The following LEKR1 variants were observed in gnomAD, a reference collection of about 807,000 sequenced individuals.
LEKR1 encodes the protein leucine, glutamate and lysine rich 1.
In LEKR1, 59 loss-of-function variants were observed where a neutral mutation model predicts 72.4. That is an observed-to-expected ratio of 0.82 (90% CI 0.66 to 1.01). The LOEUF is 1.01. LEKR1 is among the 50% of genes least tolerant of loss of function. The pLI, the probability that LEKR1 is intolerant of heterozygous loss-of-function variation, is 0.00. For missense variants in LEKR1, 728 were observed against 759.2 expected (o/e 0.96, Z 0.48); for synonymous variants, 257 against 263.2 (o/e 0.98, Z 0.23).
intron 6 of LEKR1, among the ~76,000 whole-genome samples, chr3:156,946,813 T>C (rs1166275670): frequency 1.3e-5 from 2 of 151,288 alleles, no homozygotes; most frequent in African/African-American, 4.8e-5. Context: ...ATTTCTTCAT[T>C]GGTCAGTCTT....
chr3:156,862,985 A>G (rs1350167639), intron 3 of LEKR1, among the ~76,000 whole-genome samples: 1 of 152,120 alleles, frequency 6.6e-6, no homozygotes, highest in Non-Finnish European at 1.5e-5. Flanking sequence ...ACGTTGGACA[A>G]AAAACAAGAA....
At chr3:156,837,653 A>G (rs1713330231) in intron 2 of LEKR1, among the ~76,000 whole-genome samples, 1 of 152,218 alleles carries the variant, frequency 6.6e-6, no homozygotes, top group South Asian at 2.1e-4. Context: ...GGAGTGAAAC[A>G]ATGTGAATAT....
chr3:156,835,591 G>A (rs932418891), intron 2 of LEKR1, among the ~76,000 whole-genome samples: 1 of 152,190 alleles, frequency 6.6e-6, no homozygotes, highest in Non-Finnish European at 1.5e-5. Flanking sequence ...TCTGTAATCA[G>A]TCCATTCCCC....
intron 3 of LEKR1, among the ~76,000 whole-genome samples, chr3:156,858,398 C>T (rs1048179445): frequency 1.4e-4 from 21 of 152,036 alleles, no homozygotes; most frequent in African/African-American, 4.6e-4. Flanking sequence ...TCAGGCCAGG[C>T]GCGGTGGCTC....
chr3:156,984,332 T>C (rs1181059230), intron 7 of LEKR1, among the ~76,000 whole-genome samples: 1 of 152,234 alleles, frequency 6.6e-6, no homozygotes, highest in African/African-American at 2.4e-5. Context: ...CAAAATTTAC[T>C]TAAAATGATT....
intron 3 of LEKR1, among the ~76,000 whole-genome samples, chr3:156,872,541 G>A (rs533783236): frequency 1.3e-5 from 2 of 151,758 alleles, no homozygotes; most frequent in Non-Finnish European, 2.9e-5. Flanking sequence ...CTAGATTATC[G>A]ATTTGAAATC....
intron 9 of LEKR1, among the ~76,000 whole-genome samples, chr3:157,009,156 C>T (rs973347189): frequency 9.2e-5 from 14 of 151,760 alleles, no homozygotes; most frequent in Non-Finnish European, 1.3e-4. Context: ...TATACTTCTA[C>T]GTATGTAATT....
chr3:156,959,093 C>G (rs1472725804), intron 6 of LEKR1, among the ~76,000 whole-genome samples: 1 of 152,106 alleles, frequency 6.6e-6, no homozygotes, highest in Non-Finnish European at 1.5e-5. Flanking sequence ...AAAGTCTTCT[C>G]AGATATCATG....
intron 6 of LEKR1, among the ~76,000 whole-genome samples, chr3:156,965,460 C>T (rs192140698): frequency 2.0e-5 from 3 of 152,188 alleles, no homozygotes; most frequent in Non-Finnish European, 4.4e-5. Context: ...TTCTGATTAT[C>T]TCCTTAGCTT....
intron 6 of LEKR1, among the ~76,000 whole-genome samples, chr3:156,955,808 T>G (rs1431412045): frequency 6.6e-6 from 1 of 151,166 alleles, no homozygotes; most frequent in African/African-American, 2.4e-5. Flanking sequence ...TGAAGTTTTC[T>G]TTTTGTTGTT....
intron 3 of LEKR1, among the ~76,000 whole-genome samples, chr3:156,870,224 CTA>C (rs1229048273): frequency 6.6e-6 from 1 of 151,846 alleles, no homozygotes; most frequent in Non-Finnish European, 1.5e-5. Context: ...AGATTTTTTT[CTA>C]TCTCTGTGAA....
intron 3 of LEKR1, among the ~76,000 whole-genome samples, chr3:156,862,624 A>G (rs1716896902): frequency 6.6e-6 from 1 of 152,110 alleles, no homozygotes; most frequent in Non-Finnish European, 1.5e-5. Context: ...AACTAAGGTT[A>G]GTAGCATACT....
At chr3:156,880,981 G>A (rs1455197543) in intron 3 of LEKR1, among the ~76,000 whole-genome samples, 1 of 152,088 alleles carries the variant, frequency 6.6e-6, no homozygotes, top group South Asian at 2.1e-4. Context: ...AATAAATTAG[G>A]TATTGATGGG....
intron 12 of LEKR1, among the ~76,000 whole-genome samples, chr3:157,031,093 A>G (rs1282617403): frequency 1.3e-5 from 2 of 152,166 alleles, no homozygotes; most frequent in Non-Finnish European, 2.9e-5. Flanking sequence ...AGTAAGGATC[A>G]TTAAGGGGGC....
intron 3 of LEKR1, among the ~76,000 whole-genome samples, chr3:156,915,926 T>C (rs2108570611): frequency 6.6e-6 from 1 of 152,310 alleles, no homozygotes; most frequent in East Asian, 1.9e-4. Flanking sequence ...CCATCTTGAG[T>C]TAATTTTTGT....
intron 11 of LEKR1, among the ~76,000 whole-genome samples, chr3:157,025,709 C>T (rs1229963426): frequency 1.3e-5 from 2 of 152,172 alleles, no homozygotes; most frequent in Admixed American, 6.6e-5. Flanking sequence ...GGATTTATTG[C>T]TTTGCAGATA....
At chr3:156,834,367 A>G (rs1376412318) in intron 2 of LEKR1, among the ~76,000 whole-genome samples, 1 of 152,210 alleles carries the variant, frequency 6.6e-6, no homozygotes, top group East Asian at 1.9e-4. Context: ...TAAATCTTTT[A>G]CAACTTGCTT....
chr3:156,834,063 A>G (rs536754764), intron 2 of LEKR1, among the ~76,000 whole-genome samples: 573 of 152,260 alleles, frequency 3.8e-3, no homozygotes, highest in Non-Finnish European at 6.3e-3. Context: ...CCTTATAAAC[A>G]AATCTATACA....
rs752446041 is a variant in LEKR1, at chr3:156,993,047, G to C, written c.906-27G>C. 6 of 1,242,526 alleles carry C rather than the reference G, an allele frequency of 4.8e-6. 1 individual carries two copies. In the East Asian group the frequency reaches 1.2e-4, roughly 24 times the overall value. The allele number at this position is 1,242,526 out of a possible 1,614,324, so 77.0% of individuals were successfully genotyped here. A position where few individuals can be genotyped will look rare whatever the true frequency, so the allele number is the denominator to read the frequency against. ...AAAATGTAGTATATAATGTATGTTG[G>C]TGGGTGTTTTTCCTATTTCTTTTTA... On this transcript the variant is annotated intron_variant, in intron 8 of 12. Coordinates refer to ENST00000356539, the MANE Select transcript of LEKR1 (RefSeq NM_001004316.3).
Sources: gnomAD v4.1 joint callset for allele counts (sites outside exome capture counted in the v4.1 genomes callset) on GRCh38, gnomAD v4.1.1 for gene constraint, MANE v1.5 for transcripts, NCBI Gene and HGNC (gene_info 2026-07-23, HGNC 2026-07-21) for gene names.